PAPLN: variants seen among roughly 807,000 people sequenced by gnomAD.
PAPLN encodes the protein papilin, proteoglycan like sulfated glycoprotein.
A neutral mutation model predicts 159.0 loss-of-function variants in PAPLN; 146 were observed. The ratio of observed to expected loss-of-function variants is 0.92; its 90% CI spans 0.80 to 1.05. The LOEUF (loss-of-function observed/expected upper bound fraction) is 1.05, where lower values mean the gene tolerates loss of function less well. Ranked by LOEUF, PAPLN falls within the 50% of genes least tolerant of loss-of-function variation. The pLI is 0.00. For missense variants in PAPLN, 1,720 were observed against 1,743.9 expected (o/e 0.99, Z 0.24); for synonymous variants, 734 against 702.9 (o/e 1.04, Z -0.70).
chr14:73,263,192 A>G, intron 19 of PAPLN: 1 of 314,080 alleles, frequency 3.2e-6, no homozygotes, highest in Non-Finnish European at 5.8e-6. Context: ...AAATGGTGGC[A>G]TTACCTTCTG....
rs181745567 is a variant in PAPLN at position 73,266,439 on chromosome 14, C to T, written c.3264-62C>T. 92 of 1,587,346 alleles carry T rather than the reference C, an allele frequency of 5.8e-5. No homozygotes were observed. The African/African-American group carries it at 6.7e-4, about 12-fold the overall frequency. On this transcript the variant is annotated intron_variant, in intron 23 of 26. Coordinates refer to ENST00000644200, the MANE Select transcript of PAPLN (RefSeq NM_001365906.3). ...CCTCCCTGACCCCATGCTCGAGGGA[C>T]GGAGCTGGAGGAGAGGGGAGGCTCC...
chr14:73,252,180 G>A (rs1004922405), intron 10 of PAPLN, 39 bp downstream of exon 10: 30 of 1,543,470 alleles, frequency 1.9e-5, no homozygotes, highest in Non-Finnish European at 2.5e-5. Flanking sequence ...CATGGGCCCT[G>A]TGTGCTGGAT....
intron 19 of PAPLN, 63 bp downstream of exon 19, chr14:73,262,890 A>G: frequency 1.5e-6 from 2 of 1,340,128 alleles, no homozygotes; most frequent in Non-Finnish European, 9.7e-7. Context: ...TGCCAGTTGG[A>G]GCTAAACCCC....
intron 2 of PAPLN, 105 bp downstream of exon 2, chr14:73,239,937 G>A: frequency 1.4e-6 from 2 of 1,452,670 alleles, no homozygotes; most frequent in Admixed American, 4.9e-5. Context: ...CGATGTCAGG[G>A]AAGCTGGGCT....
Position 73,251,671 on chromosome 14 carries a change from G to A in PAPLN, c.678G>A (p.Lys226=). 6.2e-7 allele frequency: 1 copy of A among 1,613,552 alleles called. No homozygotes were observed. Among genetic ancestry groups the A allele is most frequent in the Non-Finnish European group, 8.5e-7 (1 of 1,180,006 alleles). ...AAASRNFLAV[K]NVRGEYYLNG... ...GCGGTCTCCTCTGCGCAGCTGTGAA[G>A]AATGTTCGTGGGGAATACTACCTCA... is the stretch of plus-strand genomic sequence containing the variant. Residue 226 remains lysine, a synonymous_variant, in exon 9 of 27, where the codon AAG becomes AAA. Transcript: ENST00000644200.
In PAPLN at chr14:73,264,296, C is replaced by T. The variant is rs772963804; in HGVS notation, c.2947C>T (p.Pro983Ser). The change falls in exon 21 of 27, where the codon CCA (proline) becomes TCA (serine). Residue 983 changes from proline (P) to serine (S), a missense_variant. Physicochemically the swap from Pro to Ser is moderately conservative, Grantham distance 74 (BLOSUM62 -1). Transcript: ENST00000644200. Reference sequence around the variant, plus strand: ...CACCTACAGCTGTGGCAGCACCCGGCCAGGCCGCGACTCCCAGAAGATCCA... The same window carrying T: ...CACCTACAGCTGTGGCAGCACCCGGTCAGGCCGCGACTCCCAGAAGATCCA... ...AGTYSCGSTR[P>S]GRDSQKIQLR... 1 of 1,613,984 alleles carries T rather than the reference C, an allele frequency of 6.2e-7. No individual in the cohort carries two copies. Among genetic ancestry groups the T allele is most frequent in the Non-Finnish European group, 8.5e-7 (1 of 1,180,028 alleles).
At chr14:73,258,107 T>G (rs1454235483) in intron 14 of PAPLN, among the ~76,000 whole-genome samples, 1 of 152,230 alleles carries the variant, frequency 6.6e-6, no homozygotes, top group Non-Finnish European at 1.5e-5. Context: ...CATCCAATTT[T>G]TTTAAATATG....
At chr14:73,253,515 C>T (rs915699123) in intron 11 of PAPLN, among the ~76,000 whole-genome samples, 1 of 152,104 alleles carries the variant, frequency 6.6e-6, no homozygotes, top group Non-Finnish European at 1.5e-5. Flanking sequence ...GGGTTGAGGA[C>T]AGGAAAGCCA....
chr14:73,252,226 C>T, intron 10 of PAPLN, 85 bp downstream of exon 10: 1 of 1,467,642 alleles, frequency 6.8e-7, no homozygotes, highest in Non-Finnish European at 9.0e-7. Context: ...CAGCCCTCTC[C>T]TCAAGGCAGT....
Position 73,254,705 on chromosome 14 carries a change from C to A in PAPLN, c.1485+10C>A, listed in dbSNP as rs73305102. The A allele has an allele frequency of 3.3e-3, 5,297 of 1,611,408 alleles. 117 individuals carry two copies. The African/African-American group carries it at 0.05, about 15-fold the overall frequency. On this transcript the variant is annotated intron_variant, in intron 13 of 26. Transcript: ENST00000644200. ...TGGCACCTGGGGTCTAGTGAGTGCT[C>A]TCCACCCCCACACCTGCTGCCTGAC... is the stretch of plus-strand genomic sequence containing the variant.
Position 73,250,077 on chromosome 14 carries a change from C to G in PAPLN, c.428C>G (p.Pro143Arg). Residue 143 changes from proline (P) to arginine (R), a missense_variant, in exon 6 of 27, where the codon CCT becomes CGT. By Grantham distance (103) the Pro-to-Arg change is moderately radical. Transcript: ENST00000644200. The part of the protein sequence containing the change: ...EAVVDGTPCE[P>R]GKRDVCVDGS... ...GTGGTTGATGGGACGCCCTGCGAGC[C>G]TGGCAAGAGGGATGTCTGTGTGGAT... is the stretch of plus-strand genomic sequence containing the variant. 1 of 1,612,474 alleles carries G rather than the reference C, an allele frequency of 6.2e-7. No homozygotes were observed. Among genetic ancestry groups the G allele is most frequent in the Non-Finnish European group, 8.5e-7 (1 of 1,179,346 alleles).
chr14:73,262,346 G>T lies in PAPLN; in HGVS notation c.2246-4G>T. 6.2e-7 allele frequency: 1 copy of T among 1,604,554 alleles called. No individual in the cohort carries two copies. The highest frequency in any genetic ancestry group is 1.1e-5 in the South Asian group (1 of 90,050). On this transcript the variant is annotated splice_polypyrimidine_tract_variant and splice_region_variant and intron_variant, in intron 18 of 26. Transcript: ENST00000644200. The stretch of plus-strand genomic sequence containing the variant: ...GTGACTTATATCACACCCATGCCCT[G>T]CAGCCTACCCCGTGCGGTGCCTGCT...
chr14:73,246,391 C>T (rs1170605802), intron 5 of PAPLN, among the ~76,000 whole-genome samples: 1 of 140,640 alleles, frequency 7.1e-6, no homozygotes, highest in Non-Finnish European at 1.5e-5. Context: ...CCACTGTACC[C>T]GACCAATTTT....
In PAPLN at chr14:73,249,980, C is replaced by G. The variant is rs1414027277; in HGVS notation, c.335-4C>G. On this transcript the variant is annotated splice_polypyrimidine_tract_variant and splice_region_variant and intron_variant, in intron 5 of 26. Coordinates refer to ENST00000644200, the MANE Select transcript of PAPLN (RefSeq NM_001365906.3). ...TCTCAGTCTTGCCTTCCTGCCCACC[C>G]CAGCCCCAAACAAGTGTGAACTGAA... 1.1e-5 allele frequency: 17 copies of G among 1,601,394 alleles called. No individual in the cohort carries two copies. Among genetic ancestry groups the G allele is most frequent in the Non-Finnish European group, 1.4e-5 (16 of 1,173,392 alleles).
At chr14:73,252,870 G>C (rs1885452700) in intron 11 of PAPLN, 95 bp downstream of exon 11, 3 of 1,549,480 alleles carry the variant, frequency 1.9e-6, no homozygotes. Flanking sequence ...GTAGAACAAA[G>C]AGGTGGGGGT....
rs2293795 is a variant in PAPLN, at chr14:73,253,978, G to A, written c.1302+17G>A. 154,551 of 1,597,586 alleles carry A rather than the reference G, an allele frequency of 0.097. 12,228 individuals carry two copies. The highest frequency in any genetic ancestry group is 0.48 in the East Asian group (21,288 of 44,454). ...TGGGGAGAGGTCAGGCCCCTGGCCC[G>A]CATGGGGCTGGTGCTGGACCTGGGT... On this transcript the variant is annotated intron_variant, in intron 12 of 26. Coordinates refer to ENST00000644200, the MANE Select transcript of PAPLN (RefSeq NM_001365906.3).
At chr14:73,266,428 T>A in intron 23 of PAPLN, 73 bp from the exon 24 acceptor site, 1 of 1,560,282 alleles carries the variant, frequency 6.4e-7, no homozygotes, top group Non-Finnish European at 8.7e-7. Flanking sequence ...CCTGACCCCA[T>A]GCTCGAGGGA....
At chr14:73,243,111 GCCT>G (rs1225966618) in intron 2 of PAPLN, 3 of 152,250 alleles carry the variant, frequency 2.0e-5, no homozygotes, top group African/African-American at 7.2e-5. Flanking sequence ...TCCTGCCTCA[GCCT>G]CCCGACTAGC....
chr14:73,254,807 T>A lies in PAPLN; in HGVS notation c.1486-70T>A. ...GCGCCACTGGGCACCTTCCCCTGCC[T>A]CTCTCCATGTGGGTCCCCGCCCCCA... is the stretch of plus-strand genomic sequence containing the variant. On this transcript the variant is annotated intron_variant, in intron 13 of 26. Transcript: ENST00000644200. 1.9e-6 allele frequency: 3 copies of A among 1,595,208 alleles called. No homozygotes were observed. In the South Asian group the frequency reaches 3.4e-5, roughly 18 times the overall value.
Sources: gnomAD v4.1 joint callset for allele counts (sites outside exome capture counted in the v4.1 genomes callset) on GRCh38, gnomAD v4.1.1 for gene constraint, MANE v1.5 for transcripts, NCBI Gene and HGNC (gene_info 2026-07-23, HGNC 2026-07-21) for gene names.